Variants in CA8 observed in about 807,000 individuals in gnomAD.
The protein encoded by CA8 is carbonic anhydrase-related protein.
In CA8, 22 loss-of-function variants were observed where a neutral mutation model predicts 41.4. That is an observed-to-expected ratio of 0.53 (90% CI 0.38 to 0.76). CA8 has a LOEUF of 0.76. Ranked by LOEUF, CA8 falls within the 30% of genes least tolerant of loss-of-function variation. The pLI, the probability that CA8 is intolerant of heterozygous loss-of-function variation, is 0.00. For synonymous variants in CA8, 121 were observed against 130.6 expected, an observed-to-expected ratio of 0.93 and a Z score of 0.50; for missense variants, 270 against 352.8, an observed-to-expected ratio of 0.77 and a Z score of 1.88.
intron 8 of CA8, among the ~76,000 whole-genome samples, chr8:60,193,070 A>C (rs1157967772): frequency 6.6e-6 from 1 of 152,010 alleles, no homozygotes. Flanking sequence ...TGCAACTTCT[A>C]TTATTGTAAT....
chr8:60,202,281 G>A (rs1325293683), intron 8 of CA8, among the ~76,000 whole-genome samples: 1 of 149,848 alleles, frequency 6.7e-6, no homozygotes, highest in East Asian at 2.0e-4. Flanking sequence ...CTTATCTCCT[G>A]ACCTCATGAT....
rs1806248648 is a variant in CA8 at position 60,195,258 on chromosome 8, G to T, written c.*36-5273C>A. On this transcript the variant is annotated intron_variant, in intron 8 of 8. Coordinates refer to ENST00000317995, the MANE Select transcript of CA8 (RefSeq NM_004056.6). ...CATCAGCTATTTCAATATAGTTATA[G>T]CAGATGCCATCTTTCACATGACTTT... Among the ~76,000 whole-genome samples, 4 of 152,296 alleles carry T rather than the reference G, an allele frequency of 2.6e-5. No individual in the cohort carries two copies. The South Asian group carries it at 8.3e-4, about 32-fold the overall frequency.
chr8:60,264,939 T>C (rs1803852501), intron 3 of CA8: 1 of 152,124 alleles, frequency 6.6e-6, no homozygotes, highest in Non-Finnish European at 1.5e-5. Context: ...GGATATTGCA[T>C]CTGGTCATGA....
intron 3 of CA8, among the ~76,000 whole-genome samples, chr8:60,253,161 A>G (rs1808509282): frequency 6.6e-6 from 1 of 152,108 alleles, no homozygotes; most frequent in African/African-American, 2.4e-5. Context: ...CTTGAGCCCA[A>G]CAGGTGGAGG....
chr8:60,231,439 C>T (rs974845748), intron 4 of CA8, among the ~76,000 whole-genome samples: 1 of 151,924 alleles, frequency 6.6e-6, no homozygotes, highest in East Asian at 1.9e-4. Context: ...GATATATATG[C>T]CATAAAAAAA....
intron 7 of CA8, among the ~76,000 whole-genome samples, chr8:60,218,562 G>A (rs933871439): frequency 6.6e-6 from 1 of 152,152 alleles, no homozygotes; most frequent in African/African-American, 2.4e-5. Context: ...CTAGGACTAT[G>A]ACATAATTAC....
intron 3 of CA8, among the ~76,000 whole-genome samples, chr8:60,240,117 A>T (rs1807970618): frequency 6.6e-6 from 1 of 152,208 alleles, no homozygotes; most frequent in Non-Finnish European, 1.5e-5. Flanking sequence ...GCAAGAGGGA[A>T]CTCAGAAAAT....
intron 3 of CA8, among the ~76,000 whole-genome samples, chr8:60,239,701 T>C (rs911763416): frequency 1.3e-5 from 2 of 152,200 alleles, no homozygotes; most frequent in Non-Finnish European, 1.5e-5. Flanking sequence ...TCTTGAATTG[T>C]AGCTCCCATA....
chr8:60,205,954 T>G (rs1434562885), intron 8 of CA8, among the ~76,000 whole-genome samples: 2 of 152,334 alleles, frequency 1.3e-5, no homozygotes, highest in Non-Finnish European at 2.9e-5. Flanking sequence ...TCATTTCACT[T>G]TAATAAAAAT....
intron 7 of CA8, among the ~76,000 whole-genome samples, chr8:60,213,215 G>T (rs977660088): frequency 2.0e-5 from 3 of 152,150 alleles, no homozygotes; most frequent in Admixed American, 2.0e-4. Flanking sequence ...TTTTGAGGAA[G>T]AGAGTAGGAA....
chr8:60,201,641 C>A (rs1315349822), intron 8 of CA8, among the ~76,000 whole-genome samples: 1 of 152,078 alleles, frequency 6.6e-6, no homozygotes, highest in Non-Finnish European at 1.5e-5. Context: ...CACTATATAA[C>A]AATAAAATAT....
chr8:60,274,166 T>A (rs1440991968), intron 2 of CA8, among the ~76,000 whole-genome samples: 2 of 151,232 alleles, frequency 1.3e-5, no homozygotes, highest in Non-Finnish European at 2.9e-5. Flanking sequence ...ATTTTTTTTT[T>A]AATTTAAGAA....
chr8:60,194,382 G>C (rs886851566), intron 8 of CA8, among the ~76,000 whole-genome samples: 7 of 152,128 alleles, frequency 4.6e-5, no homozygotes, highest in Admixed American at 6.6e-5. Flanking sequence ...AAGCCCGTTG[G>C]TCCACTTCTG....
At chr8:60,195,270 T>C (rs958120330) in intron 8 of CA8, among the ~76,000 whole-genome samples, 1 of 152,226 alleles carries the variant, frequency 6.6e-6, no homozygotes, top group Non-Finnish European at 1.5e-5. Flanking sequence ...AGATGCCATC[T>C]TTCACATGAC....
chr8:60,263,669 C>T (rs1346073874), intron 3 of CA8, among the ~76,000 whole-genome samples: 1 of 152,226 alleles, frequency 6.6e-6, no homozygotes, highest in Non-Finnish European at 1.5e-5. Context: ...GACCTGTAGT[C>T]CCCTGTATGA....
At chr8:60,268,414 G>GTC (rs1375317605) in intron 2 of CA8, among the ~76,000 whole-genome samples, 1 of 152,180 alleles carries the variant, frequency 6.6e-6, no homozygotes, top group African/African-American at 2.4e-5. Context: ...GGAAATGAAT[G>GTC]ATACAGCTTG....
rs762936870 is a variant in CA8 at position 60,281,159 on chromosome 8, G to C, written c.-12C>G. 1.3e-6 allele frequency: 2 copies of C among 1,540,866 alleles called. No individual in the cohort carries two copies. The highest frequency in any genetic ancestry group is 1.8e-6 in the Non-Finnish European group (2 of 1,141,436). ...CTCAGGTCCGCCATGGGAAGGCCGC[G>C]GGGCCCCTCGGCGCTCTCGGCAGCA... On this transcript the variant is annotated 5_prime_UTR_variant, in exon 1 of 9. Transcript: ENST00000317995.
chr8:60,218,854 C>A (rs1807125465), intron 7 of CA8, among the ~76,000 whole-genome samples: 1 of 152,148 alleles, frequency 6.6e-6, no homozygotes, highest in African/African-American at 2.4e-5. Flanking sequence ...GTGTTGCAGT[C>A]CCTGAGTCTG....
At chr8:60,224,143 G>A (rs1055535404) in intron 6 of CA8, among the ~76,000 whole-genome samples, 4 of 152,162 alleles carry the variant, frequency 2.6e-5, no homozygotes, top group Non-Finnish European at 5.9e-5. Flanking sequence ...GTGCAGTCAC[G>A]TAATCTCGGC....
Sources: gnomAD v4.1 joint callset for allele counts (sites outside exome capture counted in the v4.1 genomes callset) on GRCh38, gnomAD v4.1.1 for gene constraint, MANE v1.5 for transcripts, NCBI Gene and HGNC (gene_info 2026-07-23, HGNC 2026-07-21) for gene names.